Variants in KRT38 observed in about 807,000 individuals in gnomAD.
KRT38 encodes the protein keratin, type I cuticular Ha8.
KRT38 carries 45 observed loss-of-function variants against 43.1 expected under a neutral mutation model. The observed-to-expected ratio is 1.04, with a 90% CI of 0.82 to 1.34. The LOEUF is 1.34. Ranked by LOEUF, KRT38 falls within the 40% of genes most tolerant of loss-of-function variation. KRT38 has a pLI of 0.00. For synonymous variants in KRT38, 258 were observed against 244.0 expected (o/e 1.06, Z -0.53); for missense variants, 627 against 586.2 (o/e 1.07, Z -0.72).
rs1055459189 is a variant in KRT38, at chr17:41,437,569, A to G, written c.1242-28T>C. 7 of 1,546,710 alleles carry G rather than the reference A, an allele frequency of 4.5e-6. No individual in the cohort carries two copies. In the East Asian group the frequency reaches 1.5e-4, roughly 33 times the overall value. On this transcript the variant is annotated intron_variant, in intron 6 of 6. Transcript: ENST00000246646. The stretch of plus-strand genomic sequence containing the variant: ...GCAGAGAGACAAGGTGAGGGAAGTG[A>G]GAGGCAAGAAATGAATGGGGTCTCA...
intron 4 of KRT38, 27 bp downstream of exon 4, chr17:41,438,670 C>G: frequency 6.4e-7 from 1 of 1,562,590 alleles, no homozygotes; most frequent in Non-Finnish European, 8.7e-7. Context: ...GCCAGGTACC[C>G]CCTGGTTCTA....
Position 41,438,709 on chromosome 17 carries a change from C to G in KRT38, c.882G>C (p.Trp294Cys). 6.2e-7 allele frequency: 1 copy of G among 1,613,934 alleles called. No homozygotes were observed. The highest frequency in any genetic ancestry group is 8.5e-7 in the Non-Finnish European group (1 of 1,179,930). The change falls in exon 4 of 7, where the codon TGG becomes TGC. Residue 294 changes from tryptophan (W) to cysteine (C), a missense_variant. By Grantham distance (215) the Trp-to-Cys change is radical (BLOSUM62 -2). Transcript: ENST00000246646. ...CCCCCCCACTCACCTGGGCTTGGAACCACTGTTCCACATCCTGGCGGTTGG... is the reference window on the plus strand; with the variant it reads ...CCCCCCCACTCACCTGGGCTTGGAAGCACTGTTCCACATCCTGGCGGTTGG... ...LETNRQDVEQ[W>C]FQAQSEGISL...
chr17:41,440,200 A>T lies in KRT38; in HGVS notation c.536T>A (p.Ile179Asn), dbSNP rs541670105. The change falls in exon 2 of 7, where the codon ATT (isoleucine) becomes AAT (asparagine). Residue 179 changes from isoleucine (I) to asparagine (N), a missense_variant. Transcript: ENST00000246646. The part of the protein sequence containing the change: ...KAENARLIVQ[I>N]DNAKLAADDF... ...ATCGGCAGCCAGCTTGGCATTGTCAATTTGTACAATCAGCCTGGCATTCTC... is the reference window on the plus strand; with the variant it reads ...ATCGGCAGCCAGCTTGGCATTGTCATTTTGTACAATCAGCCTGGCATTCTC... 6 of 1,614,170 alleles carry T rather than the reference A, an allele frequency of 3.7e-6. No homozygotes were observed. Among genetic ancestry groups the T allele is most frequent in the Non-Finnish European group, 5.1e-6 (6 of 1,180,044 alleles).
At position 41,440,237 on chromosome 17, in the gene KRT38, A is replaced by G. The variant is rs760141207; in HGVS notation, c.499T>C (p.Cys167Arg). ...AGCCTGGCATTCTCGGCCTTGCTGC[A>G]CAGGATCTGAGGAGAACAGGAAGAC... is the stretch of plus-strand genomic sequence containing the variant. ...TIEELQQKIL[C>R]SKAENARLIV... The change falls in exon 2 of 7, where the codon TGC (cysteine) becomes CGC (arginine). Residue 167 changes from cysteine (C) to arginine (R), a missense_variant. By Grantham distance (180) the Cys-to-Arg change is radical. Transcript: ENST00000246646. The G allele has an allele frequency of 6.2e-7, 1 of 1,614,060 alleles. No homozygotes were observed. Among genetic ancestry groups the G allele is most frequent in the African/African-American group, 1.3e-5 (1 of 74,918 alleles).
intron 2 of KRT38, among the ~76,000 whole-genome samples, chr17:41,439,711 G>A (rs2018773968): frequency 1.3e-5 from 2 of 152,314 alleles, no homozygotes; most frequent in Non-Finnish European, 2.9e-5. Context: ...CCAGGTGCCT[G>A]ATCGTGATCT....
In KRT38 at chr17:41,440,785, A is replaced by G. The variant is rs1295851539; in HGVS notation, c.137T>C (p.Leu46Ser). 2 of 1,612,962 alleles carry G rather than the reference A, an allele frequency of 1.2e-6. No homozygotes were observed. Among genetic ancestry groups the G allele is most frequent in the South Asian group, 2.2e-5 (2 of 90,908 alleles). ...TCGGTTGGCATGTGCCACGTTGGCC[A>G]AAAGGCACATGGGGGCAATGTTGGC... The part of the protein sequence containing the change: ...AEANIAPMCL[L>S]ANVAHANRVR... The change falls in exon 1 of 7, where the codon TTG (leucine) becomes TCG (serine). Residue 46 changes from leucine to serine, a missense_variant. Coordinates refer to ENST00000246646, the MANE Select transcript of KRT38 (RefSeq NM_006771.4).
At chr17:41,440,129 G>A (rs2018778000) in intron 2 of KRT38, 32 bp downstream of exon 2, 1 of 1,554,412 alleles carries the variant, frequency 6.4e-7, no homozygotes, top group Admixed American at 1.7e-5. Flanking sequence ...GGTGGGGAAG[G>A]AGTCACCCTG....
Position 41,437,336 on chromosome 17 carries a change from G to C in KRT38, c.*76C>G, listed in dbSNP as rs1567695411. ...TATACATACAGAAAGTTAGAAGCCA[G>C]ATTTTCTAAAGGTATAACAAGCATC... is the stretch of plus-strand genomic sequence containing the variant. On this transcript the variant is annotated 3_prime_UTR_variant, in exon 7 of 7. Coordinates refer to ENST00000246646, the MANE Select transcript of KRT38 (RefSeq NM_006771.4). 2 of 1,415,444 alleles carry C rather than the reference G, an allele frequency of 1.4e-6. No homozygotes were observed. The highest frequency in any genetic ancestry group is 9.3e-7 in the Non-Finnish European group (1 of 1,080,736). The allele number at this position is 1,415,444 out of a possible 1,614,324, so 87.7% of individuals were successfully genotyped here.
At position 41,440,798 on chromosome 17, in the gene KRT38, G is replaced by C; in HGVS notation, c.124C>G (p.Pro42Ala). The C allele has an allele frequency of 6.2e-7, 1 of 1,612,440 alleles. No individual in the cohort carries two copies. Among genetic ancestry groups the C allele is most frequent in the Non-Finnish European group, 8.5e-7 (1 of 1,179,038 alleles). ...CQPGAEANIA[P>A]MCLLANVAHA... ...GCCACGTTGGCCAAAAGGCACATGG[G>C]GGCAATGTTGGCCTCTGCCCCAGGC... The change falls in exon 1 of 7, where the codon CCC becomes GCC. Residue 42 changes from proline (P) to alanine (A), a missense_variant. By Grantham distance (27) the Pro-to-Ala change is conservative. Transcript: ENST00000246646.
Position 41,438,190 on chromosome 17 carries a change from G to A in KRT38, c.1144C>T (p.Arg382Trp), listed in dbSNP as rs773055251. Reference protein sequence around the residue: ...QLSEIRADLERQNQEYQVLLD... With the variant: ...QLSEIRADLEWQNQEYQVLLD... ...AGCACCTGGTACTCCTGGTTTTGCC[G>A]CTCCAGGTCGGCCCGGATCTCAGAC... is the stretch of plus-strand genomic sequence containing the variant. The change falls in exon 6 of 7, where the codon CGG becomes TGG. Residue 382 changes from arginine (R) to tryptophan (W), a missense_variant. Transcript: ENST00000246646. The A allele has an allele frequency of 2.9e-5, 47 of 1,614,070 alleles. No homozygotes were observed. The highest frequency in any genetic ancestry group is 1.1e-4 in the South Asian group (10 of 91,090).
chr17:41,440,447 C>T lies in KRT38; in HGVS notation c.475G>A (p.Glu159Lys). The T allele has an allele frequency of 1.1e-5, 17 of 1,613,982 alleles. No homozygotes were observed. The highest frequency in any genetic ancestry group is 1.7e-5 in the Admixed American group (1 of 60,024). Residue 159 changes from glutamate (E) to lysine (K), a missense_variant, in exon 1 of 7, where the codon GAG becomes AAG. Glu to Lys is a moderately conservative substitution (Grantham distance 56). Transcript: ENST00000246646. ...PDYQSYFHTI[E>K]ELQQKILCSK... is the part of the protein sequence containing the mutation. The stretch of plus-strand genomic sequence containing the variant: ...CACCTCACCTTCTGTTGGAGCTCCT[C>T]GATGGTGTGGAAGTAAGACTGGTAG...
rs746018607 is a variant in KRT38 at position 41,438,258 on chromosome 17, A to G, written c.1076T>C (p.Leu359Pro). ...CEAEDRFGTE[L>P]AQMQSLISNV... ...GCTGATGAGGCTCTGCATCTGGGCCAGCTCCGTGCCGAAGCGGTCCTCGGC... is the reference window on the plus strand; with the variant it reads ...GCTGATGAGGCTCTGCATCTGGGCCGGCTCCGTGCCGAAGCGGTCCTCGGC... The change falls in exon 6 of 7, where the codon CTG (leucine) becomes CCG (proline). Residue 359 changes from leucine to proline, a missense_variant. Coordinates refer to ENST00000246646, the MANE Select transcript of KRT38 (RefSeq NM_006771.4). The G allele has an allele frequency of 6.2e-7, 1 of 1,614,196 alleles. No individual in the cohort carries two copies. Among genetic ancestry groups the G allele is most frequent in the South Asian group, 1.1e-5 (1 of 91,088 alleles).
At chr17:41,440,277 G>A (rs751279271) in intron 1 of KRT38, 34 bp from the exon 2 acceptor site, 4 of 1,611,678 alleles carry the variant, frequency 2.5e-6, no homozygotes, top group South Asian at 1.1e-5. Context: ...CACACACAAA[G>A]CATCATGCCC....
intron 6 of KRT38, among the ~76,000 whole-genome samples, chr17:41,437,760 T>A (rs953418685): frequency 6.6e-6 from 1 of 152,274 alleles, no homozygotes; most frequent in Middle Eastern, 3.4e-3. Flanking sequence ...AGAATAAAAA[T>A]TCCTAGGAAG....
Position 41,438,224 on chromosome 17 carries a change from C to T in KRT38, c.1110G>A (p.Glu370=), listed in dbSNP as rs757462890. Residue 370 remains glutamate, a synonymous_variant, in exon 6 of 7, where the codon GAG becomes GAA. Coordinates refer to ENST00000246646, the MANE Select transcript of KRT38 (RefSeq NM_006771.4). Reference sequence around the variant, plus strand: ...CGGCCCGGATCTCAGACAGCTGCTCCTCCACGTTGCTGATGAGGCTCTGCA... The same window carrying T: ...CGGCCCGGATCTCAGACAGCTGCTCTTCCACGTTGCTGATGAGGCTCTGCA... ...AQMQSLISNV[E]EQLSEIRADL... The T allele has an allele frequency of 1.9e-6, 3 of 1,614,216 alleles. No homozygotes were observed. The highest frequency in any genetic ancestry group is 2.2e-5 in the East Asian group (1 of 44,890).
chr17:41,439,323 C>G lies in KRT38; in HGVS notation c.612G>C (p.Glu204Asp). 1 of 1,614,190 alleles carries G rather than the reference C, an allele frequency of 6.2e-7. No individual in the cohort carries two copies. Among genetic ancestry groups the G allele is most frequent in the African/African-American group, 1.3e-5 (1 of 75,072 alleles). ...ESERSLRQLV[E>D]ADKCGTQKLL... ...GCTTCTGTGTCCCACACTTGTCTGCCTCCACCAGCTGGCGCAGGGAGCGCT... is the reference window on the plus strand; with the variant it reads ...GCTTCTGTGTCCCACACTTGTCTGCGTCCACCAGCTGGCGCAGGGAGCGCT... The change falls in exon 3 of 7, where the codon GAG (glutamate) becomes GAC (aspartate). Residue 204 changes from glutamate to aspartate, a missense_variant. Physicochemically the swap from Glu to Asp is conservative, Grantham distance 45. Coordinates refer to ENST00000246646, the MANE Select transcript of KRT38 (RefSeq NM_006771.4).
intron 2 of KRT38, among the ~76,000 whole-genome samples, chr17:41,439,616 G>T (rs2018772751): frequency 6.6e-6 from 1 of 152,206 alleles, no homozygotes; most frequent in South Asian, 2.1e-4. Context: ...AAGATCAACT[G>T]ACTTGCGTAA....
At chr17:41,438,071 G>A in intron 6 of KRT38, 22 bp downstream of exon 6, 1 of 1,611,348 alleles carries the variant, frequency 6.2e-7, no homozygotes, top group Non-Finnish European at 8.5e-7. Flanking sequence ...ATTTGGCCAG[G>A]AATTGCCCAG....
At chr17:41,438,444 C>A in intron 5 of KRT38, 47 bp downstream of exon 5, 1 of 1,613,572 alleles carries the variant, frequency 6.2e-7, no homozygotes, top group Non-Finnish European at 8.5e-7. Context: ...TGCTACTAGG[C>A]CATGGCACGG....
Sources: gnomAD v4.1 joint callset for allele counts (sites outside exome capture counted in the v4.1 genomes callset) on GRCh38, gnomAD v4.1.1 for gene constraint, MANE v1.5 for transcripts, NCBI Gene and HGNC (gene_info 2026-07-23, HGNC 2026-07-21) for gene names.